RIMBP2: variants seen among roughly 807,000 people sequenced by gnomAD.
RIMBP2 encodes RIMS binding protein 2, also known as RIMS-binding protein 2.
Under a neutral mutation model 118.6 loss-of-function variants are expected in RIMBP2, and 48 were observed. The observed-to-expected ratio is 0.40, with a 90% CI of 0.32 to 0.51. RIMBP2 has a LOEUF of 0.51. Among genes scored for constraint, RIMBP2 ranks in the 20% least tolerant of loss-of-function variants. The pLI, the probability that RIMBP2 is intolerant of heterozygous loss-of-function variation, is 0.41. For missense variants in RIMBP2, 1,551 were observed against 1,768.3 expected (o/e 0.88, Z 2.20); for synonymous variants, 762 against 742.9 (o/e 1.03, Z -0.42).
chr12:130,595,106 A>G (rs1405575777), intron 2 of RIMBP2, among the ~76,000 whole-genome samples: 2 of 152,234 alleles, frequency 1.3e-5, no homozygotes, highest in Non-Finnish European at 2.9e-5. Flanking sequence ...TAAATAATGC[A>G]CTTTAAAGAC....
chr12:130,664,417 A>ACGCACACACGCACACACGCACACG (rs1566439003), intron 1 of RIMBP2, among the ~76,000 whole-genome samples: 1 of 80,052 alleles, frequency 1.2e-5, no homozygotes, highest in Non-Finnish European at 3.1e-5. Context: ...GCACGCACAC[A>ACGCACACACGCACACACGCACACG]CACGCACACA....
At chr12:130,436,265 G>A (rs2077506673) in intron 13 of RIMBP2, among the ~76,000 whole-genome samples, 1 of 152,188 alleles carries the variant, frequency 6.6e-6, no homozygotes, top group South Asian at 2.1e-4. Flanking sequence ...CCTGGACCCA[G>A]AAAAGTTCAG....
intron 2 of RIMBP2, among the ~76,000 whole-genome samples, chr12:130,565,791 T>G (rs2057176756): frequency 6.6e-6 from 1 of 152,234 alleles, no homozygotes; most frequent in Non-Finnish European, 1.5e-5. Context: ...TGAAAAACAC[T>G]GTTAACGAAA....
At chr12:130,631,843 T>G (rs1013130069) in intron 1 of RIMBP2, among the ~76,000 whole-genome samples, 2 of 152,214 alleles carry the variant, frequency 1.3e-5, no homozygotes, top group South Asian at 4.1e-4. Flanking sequence ...ATTTTTCAAA[T>G]TACATGCATG....
chr12:130,490,123 C>CAA (rs35698241), intron 4 of RIMBP2, among the ~76,000 whole-genome samples: 5,368 of 95,038 alleles, frequency 0.056, 447 homozygotes, highest in African/African-American at 0.19. Flanking sequence ...GACTCTGTCT[C>CAA]AAAAAAAAAA....
chr12:130,454,458 G>A (rs2079248239), intron 7 of RIMBP2, among the ~76,000 whole-genome samples: 1 of 152,250 alleles, frequency 6.6e-6, no homozygotes, highest in Admixed American at 6.5e-5. Flanking sequence ...GGAGGCACTG[G>A]TGTCCACCGC....
At chr12:130,675,892 C>A (rs2064438866) in intron 1 of RIMBP2, among the ~76,000 whole-genome samples, 1 of 152,216 alleles carries the variant, frequency 6.6e-6, no homozygotes, top group Non-Finnish European at 1.5e-5. Context: ...TCGCATGCTG[C>A]AATTCTAAGC....
At chr12:130,418,038 G>A (rs528122656) in intron 17 of RIMBP2, among the ~76,000 whole-genome samples, 42 of 152,308 alleles carry the variant, frequency 2.8e-4, no homozygotes, top group African/African-American at 2.4e-5. Context: ...GTGGTGGGAC[G>A]AGATGACACA....
intron 4 of RIMBP2, among the ~76,000 whole-genome samples, chr12:130,493,924 T>C (rs2048884964): frequency 6.6e-6 from 1 of 152,182 alleles, no homozygotes. Context: ...CTGTCCAGTG[T>C]TTCCTGAGCA....
At chr12:130,585,755 C>A (rs940888153) in intron 2 of RIMBP2, among the ~76,000 whole-genome samples, 11 of 152,164 alleles carry the variant, frequency 7.2e-5, no homozygotes, top group Non-Finnish European at 1.3e-4. Flanking sequence ...TCCAGGCTGC[C>A]CCTGCAGGGA....
At chr12:130,495,673 A>G (rs987532583) in intron 4 of RIMBP2, among the ~76,000 whole-genome samples, 1 of 152,170 alleles carries the variant, frequency 6.6e-6, no homozygotes, top group Non-Finnish European at 1.5e-5. Context: ...CCTTCTGTCT[A>G]TTCTAGTAGA....
At chr12:130,596,511 G>A (rs2059571127) in intron 2 of RIMBP2, among the ~76,000 whole-genome samples, 1 of 152,110 alleles carries the variant, frequency 6.6e-6, no homozygotes, top group Non-Finnish European at 1.5e-5. Flanking sequence ...ATCACCCATA[G>A]TTAGTAACAC....
chr12:130,409,895 C>T (rs2075562450), intron 19 of RIMBP2, among the ~76,000 whole-genome samples: 1 of 152,230 alleles, frequency 6.6e-6, no homozygotes, highest in African/African-American at 2.4e-5. Flanking sequence ...GTTTCCCTTT[C>T]TTCTGAGTAA....
At chr12:130,518,928 G>T (rs779390482) in intron 2 of RIMBP2, among the ~76,000 whole-genome samples, 1 of 152,152 alleles carries the variant, frequency 6.6e-6, no homozygotes, top group Non-Finnish European at 1.5e-5. Context: ...AACCTGAAAA[G>T]GACTTCAATA....
At chr12:130,521,030 G>A (rs938574675) in intron 2 of RIMBP2, among the ~76,000 whole-genome samples, 1 of 152,200 alleles carries the variant, frequency 6.6e-6, no homozygotes, top group African/African-American at 2.4e-5. Context: ...GCAGTGGCAG[G>A]CATGGATACC....
intron 2 of RIMBP2, among the ~76,000 whole-genome samples, chr12:130,528,995 T>C (rs1315478003): frequency 6.6e-6 from 1 of 152,208 alleles, no homozygotes; most frequent in African/African-American, 2.4e-5. Context: ...AATACTTATA[T>C]ACAAATGTCA....
At chr12:130,651,305 C>T (rs1485691571) in intron 1 of RIMBP2, 2 of 152,224 alleles carry the variant, frequency 1.3e-5, no homozygotes, top group African/African-American at 4.8e-5. Context: ...AGACAGGTTC[C>T]AAAGCATCCA....
Position 130,442,790 on chromosome 12 carries a change from G to C in RIMBP2, c.692-130C>G. On this transcript the variant is annotated intron_variant, in intron 10 of 22. Transcript: ENST00000690449. This position sits in a 1 kb window ranked among gnomAD's most constrained non-coding sequence, Gnocchi z 6.9. ...AGGGTTGCCCTGGGGCTCCTCCGCT[G>C]TTCCCAGGAGTCCATGCTGGGGCCA... 1 of 714,090 alleles carries C rather than the reference G, an allele frequency of 1.4e-6. No homozygotes were observed. The highest frequency in any genetic ancestry group is 2.7e-5 in the East Asian group (1 of 36,850). The allele number at this position is 714,090 out of a possible 1,614,324, so 44.2% of individuals were successfully genotyped here.
chr12:130,665,511 A>G (rs1033514131), intron 1 of RIMBP2, among the ~76,000 whole-genome samples: 1 of 151,434 alleles, frequency 6.6e-6, no homozygotes, highest in Non-Finnish European at 1.5e-5. Context: ...ACGCCACTGC[A>G]CTCCAGCCTG....
Sources: allele counts gnomAD v4.1 joint callset (sites outside exome capture counted in the v4.1 genomes callset), GRCh38; gene constraint gnomAD v4.1.1; non-coding constraint Gnocchi (gnomAD v3.1); transcripts MANE v1.5; gene names NCBI Gene and HGNC (gene_info 2026-07-23, HGNC 2026-07-21).